BNC2: variants seen among roughly 807,000 people sequenced by gnomAD.
BNC2 encodes basonuclin zinc finger protein 2.
Under a neutral mutation model 76.3 loss-of-function variants are expected in BNC2, and 20 were observed. The observed-to-expected ratio is 0.26, with a 90% CI of 0.18 to 0.38. The LOEUF (loss-of-function observed/expected upper bound fraction) is 0.38. BNC2 is among the 10% of genes least tolerant of loss of function. The probability of loss-of-function intolerance (pLI) is 1.00; values close to 1 mark genes in which losing one functional copy is unlikely to be tolerated. For synonymous variants in BNC2, 582 were observed against 514.8 expected (o/e 1.13, Z -1.77); for missense variants, 1,382 against 1,399.8 (o/e 0.99, Z 0.20).
At chr9:16,599,299 CT>C (rs1460669860) in intron 3 of BNC2, among the ~76,000 whole-genome samples, 1 of 152,174 alleles carries the variant, frequency 6.6e-6, no homozygotes, top group African/African-American at 2.4e-5. Flanking sequence ...AACTTACATA[CT>C]ACAGAGATTT....
At chr9:16,472,374 T>C (rs1821844180) in intron 5 of BNC2, among the ~76,000 whole-genome samples, 1 of 152,192 alleles carries the variant, frequency 6.6e-6, no homozygotes, top group Non-Finnish European at 1.5e-5. Context: ...GCCCTGCATT[T>C]GTCAGTGAGA....
At chr9:16,770,534 G>A (rs1404753722) in intron 1 of BNC2, among the ~76,000 whole-genome samples, 1 of 152,080 alleles carries the variant, frequency 6.6e-6, no homozygotes, top group Non-Finnish European at 1.5e-5. Context: ...TTCCAAATCA[G>A]GAGTTTACCC....
chr9:16,781,857 TCA>T (rs1696017170), intron 1 of BNC2, among the ~76,000 whole-genome samples: 1 of 152,104 alleles, frequency 6.6e-6, no homozygotes, highest in African/African-American at 2.4e-5. Context: ...CTGTAAAATA[TCA>T]GTTACAAAAT....
rs368088265 is a variant in BNC2 at position 16,803,011 on chromosome 9, T to C, written c.4-64526A>G. On this transcript the variant is annotated intron_variant, in intron 1 of 6. Coordinates refer to ENST00000380672, the MANE Select transcript of BNC2 (RefSeq NM_017637.6). ...CCATCACACAGACATTGACTTAATA[T>C]TCTCCCCAAGTGTCTCTCACTTCAT... Among the ~76,000 whole-genome samples the C allele has an allele frequency of 3.3e-5, 5 of 152,310 alleles. No individual in the cohort carries two copies. The South Asian group carries it at 6.2e-4, about 19-fold the overall frequency.
At chr9:16,826,760 T>G (rs1484625381) in intron 1 of BNC2, among the ~76,000 whole-genome samples, 1 of 152,020 alleles carries the variant, frequency 6.6e-6, no homozygotes, top group Non-Finnish European at 1.5e-5. Context: ...GGATCAAGTC[T>G]CCAAATCCAG....
intron 3 of BNC2, among the ~76,000 whole-genome samples, chr9:16,717,629 T>C (rs971373043): frequency 2.0e-5 from 3 of 152,204 alleles, no homozygotes; most frequent in Non-Finnish European, 2.9e-5. Context: ...TTCTACTTAA[T>C]TGTTTTAAGA....
intron 1 of BNC2, among the ~76,000 whole-genome samples, chr9:16,838,714 G>C (rs571867678): frequency 6.0e-4 from 91 of 152,276 alleles, no homozygotes; most frequent in Middle Eastern, 3.4e-3. Context: ...AGACTTCAAA[G>C]TAGACATGAT....
At chr9:16,642,086 G>C (rs966969791) in intron 3 of BNC2, among the ~76,000 whole-genome samples, 4 of 152,156 alleles carry the variant, frequency 2.6e-5, no homozygotes, top group Non-Finnish European at 4.4e-5. Context: ...AAAATAAGTA[G>C]TGACCCTTCT....
intron 3 of BNC2, among the ~76,000 whole-genome samples, chr9:16,658,743 A>G (rs1822007445): frequency 1.3e-5 from 2 of 152,308 alleles, no homozygotes; most frequent in Admixed American, 1.3e-4. Flanking sequence ...CTAATTTACC[A>G]ACTATCCCAG....
intron 5 of BNC2, among the ~76,000 whole-genome samples, chr9:16,479,726 T>G (rs531503638): frequency 8.5e-4 from 129 of 152,340 alleles, no homozygotes; most frequent in African/African-American, 3.0e-3. Flanking sequence ...ACATTTCAAG[T>G]GCTTAAGTTA....
intron 1 of BNC2, among the ~76,000 whole-genome samples, chr9:16,747,673 C>G (rs768273123): frequency 2.6e-5 from 4 of 152,194 alleles, no homozygotes; most frequent in African/African-American, 4.8e-5. Flanking sequence ...ATTGCCTCTC[C>G]AGGTTTCTAC....
intron 4 of BNC2, among the ~76,000 whole-genome samples, chr9:16,579,346 G>A (rs1023749920): frequency 4.0e-5 from 6 of 151,838 alleles, no homozygotes; most frequent in Non-Finnish European, 8.8e-5. Flanking sequence ...GTGGTGGCAT[G>A]ATCTCAGCTC....
At chr9:16,727,630 C>A in intron 3 of BNC2, 167 bp downstream of exon 3, 1 of 641,572 alleles carries the variant, frequency 1.6e-6, no homozygotes, top group Non-Finnish European at 2.7e-6. Context: ...CATGAAGTAA[C>A]CCTGCACATT....
At chr9:16,677,452 A>C (rs1822678989) in intron 3 of BNC2, among the ~76,000 whole-genome samples, 1 of 152,102 alleles carries the variant, frequency 6.6e-6, no homozygotes, top group South Asian at 2.1e-4. Flanking sequence ...GAATGCCCGT[A>C]GTCCCAGCTA....
intron 3 of BNC2, among the ~76,000 whole-genome samples, chr9:16,624,553 A>T (rs1820942154): frequency 6.6e-6 from 1 of 152,188 alleles, no homozygotes; most frequent in South Asian, 2.1e-4. Flanking sequence ...CCGCTAAGAA[A>T]GCAAAACCTA....
intron 1 of BNC2, among the ~76,000 whole-genome samples, chr9:16,748,774 T>G (rs1042685175): frequency 1.5e-5 from 2 of 129,842 alleles, no homozygotes; most frequent in Non-Finnish European, 3.1e-5. Context: ...ACCCAGGAGA[T>G]GGAGATTGCA....
intron 5 of BNC2, among the ~76,000 whole-genome samples, chr9:16,516,836 T>C (rs1817458084): frequency 1.3e-5 from 2 of 152,222 alleles, no homozygotes; most frequent in Admixed American, 6.5e-5. Context: ...ATTCCAAATG[T>C]AGTAAAATAA....
At chr9:16,666,331 T>TGCAA (rs1467267707) in intron 3 of BNC2, among the ~76,000 whole-genome samples, 1 of 152,214 alleles carries the variant, frequency 6.6e-6, no homozygotes, top group African/African-American at 2.4e-5. Context: ...TGATCTCTGC[T>TGCAA]ATGTCCGCTG....
intron 3 of BNC2, among the ~76,000 whole-genome samples, chr9:16,632,209 C>T (rs1212465540): frequency 6.6e-6 from 1 of 151,922 alleles, no homozygotes; most frequent in Non-Finnish European, 1.5e-5. Flanking sequence ...TTTTTTTAAT[C>T]GTTATTTTTA....
Sources: allele counts gnomAD v4.1 joint callset (sites outside exome capture counted in the v4.1 genomes callset), GRCh38; gene constraint gnomAD v4.1.1; transcripts MANE v1.5; gene names NCBI Gene and HGNC (gene_info 2026-07-23, HGNC 2026-07-21).